PAPSS1: variants seen among roughly 807,000 people sequenced by gnomAD.
PAPSS1 encodes bifunctional 3'-phosphoadenosine 5'-phosphosulfate synthase 1.
A neutral mutation model predicts 72.0 loss-of-function variants in PAPSS1; 50 were observed. That is an observed-to-expected ratio of 0.69 (90% confidence interval 0.55 to 0.88). The LOEUF is 0.88. Ranked by LOEUF, PAPSS1 falls within the 40% of genes least tolerant of loss-of-function variation. The probability of loss-of-function intolerance (pLI) is 0.00; values close to 1 mark genes in which losing one functional copy is unlikely to be tolerated. For synonymous variants in PAPSS1, 261 were observed against 263.6 expected, an observed-to-expected ratio of 0.99 and a Z score of 0.09; for missense variants, 657 against 782.2, an observed-to-expected ratio of 0.84 and a Z score of 1.91.
At chr4:107,688,731 C>T (rs1018904361) in intron 3 of PAPSS1, among the ~76,000 whole-genome samples, 6 of 152,302 alleles carry the variant, frequency 3.9e-5, no homozygotes, top group African/African-American at 1.4e-4. Flanking sequence ...AGTGCCTTCA[C>T]AGTATAAACT....
At chr4:107,655,006 T>G (rs1726962285) in intron 7 of PAPSS1, 106 bp from the exon 8 acceptor site, 3 of 761,310 alleles carry the variant, frequency 3.9e-6, no homozygotes, top group Non-Finnish European at 6.4e-6. Context: ...AATAAAAGGC[T>G]GTAGATCCAG....
rs1578394550 is a variant in PAPSS1, at chr4:107,644,875, T to G, written c.1433A>C (p.Glu478Ala). The G allele has an allele frequency of 1.9e-6, 3 of 1,613,894 alleles. No individual in the cohort carries two copies. The highest frequency in any genetic ancestry group is 2.5e-6 in the Non-Finnish European group (3 of 1,179,880). ...RMKQHAAVLE[E>A]GVLNPETTVV... ...TGTCGTCTCAGGATTCAGAACTCCT[T>G]CCTCCAACACTGCAGCATGCTGCTT... Residue 478 changes from glutamate to alanine, a missense_variant, in exon 10 of 12, where the codon GAA becomes GCA. By Grantham distance (107) the Glu-to-Ala change is moderately radical (BLOSUM62 -1). Transcript: ENST00000265174.
chr4:107,630,039 C>G (rs1037703607), intron 11 of PAPSS1, among the ~76,000 whole-genome samples: 1 of 152,066 alleles, frequency 6.6e-6, no homozygotes, highest in African/African-American at 2.4e-5. Context: ...TTAAGGGGCA[C>G]CCATTTTTCT....
intron 9 of PAPSS1, 68 bp from the exon 10 acceptor site, chr4:107,645,138 A>G: frequency 7.7e-7 from 1 of 1,295,670 alleles, no homozygotes; most frequent in East Asian, 2.7e-5. Flanking sequence ...AGGATACGCA[A>G]TTTTTCTTAA....
At chr4:107,698,396 T>C (rs890594139) in intron 2 of PAPSS1, among the ~76,000 whole-genome samples, 1 of 152,234 alleles carries the variant, frequency 6.6e-6, no homozygotes, top group African/African-American at 2.4e-5. Flanking sequence ...ATCAGGTGAA[T>C]ACATATTCTT....
At chr4:107,628,629 CTGTT>C (rs1394628992) in intron 11 of PAPSS1, among the ~76,000 whole-genome samples, 5 of 152,192 alleles carry the variant, frequency 3.3e-5, no homozygotes, top group East Asian at 1.9e-4. Flanking sequence ...GTTGTATTAT[CTGTT>C]TGCTTGCTGA....
chr4:107,614,719 C>G (rs1183305328), intron 11 of PAPSS1, among the ~76,000 whole-genome samples: 1 of 152,170 alleles, frequency 6.6e-6, no homozygotes, highest in African/African-American at 2.4e-5. Context: ...AAAATTATAG[C>G]ATATCACAGC....
intron 9 of PAPSS1, among the ~76,000 whole-genome samples, chr4:107,649,638 T>A (rs1289464118): frequency 6.6e-6 from 1 of 152,202 alleles, no homozygotes; most frequent in Non-Finnish European, 1.5e-5. Flanking sequence ...AACATAGATC[T>A]GCTTCTGCCT....
intron 5 of PAPSS1, among the ~76,000 whole-genome samples, chr4:107,676,873 T>C (rs1260311829): frequency 1.3e-5 from 2 of 151,852 alleles, no homozygotes; most frequent in Non-Finnish European, 2.9e-5. Context: ...CCCTCAGAAA[T>C]AATGCCACAT....
chr4:107,703,934 TA>T, intron 1 of PAPSS1, among the ~76,000 whole-genome samples: 1 of 152,346 alleles, frequency 6.6e-6, no homozygotes, highest in Admixed American at 6.5e-5. Context: ...TAGATCACTT[TA>T]AGTAGTATGG....
chr4:107,691,855 AAC>A (rs762807214), intron 3 of PAPSS1, among the ~76,000 whole-genome samples: 6 of 152,210 alleles, frequency 3.9e-5, no homozygotes, highest in African/African-American at 7.2e-5. Context: ...TATCAATATC[AAC>A]AGTCAATGAA....
intron 11 of PAPSS1, among the ~76,000 whole-genome samples, chr4:107,627,936 C>G (rs1190765750): frequency 6.6e-6 from 1 of 152,068 alleles, no homozygotes; most frequent in African/African-American, 2.4e-5. Context: ...TGATTTAGAA[C>G]TTTTTCTAAA....
At chr4:107,713,931 T>G (rs1321479190) in intron 1 of PAPSS1, among the ~76,000 whole-genome samples, 1 of 152,202 alleles carries the variant, frequency 6.6e-6, no homozygotes, top group African/African-American at 2.4e-5. Flanking sequence ...ACCATCATTA[T>G]TCAGTTAAAA....
At chr4:107,624,240 G>T (rs1205890285) in intron 11 of PAPSS1, among the ~76,000 whole-genome samples, 2 of 152,150 alleles carry the variant, frequency 1.3e-5, no homozygotes, top group African/African-American at 4.8e-5. Context: ...ATCTTTTGGA[G>T]CTTAGTGCAA....
intron 9 of PAPSS1, among the ~76,000 whole-genome samples, chr4:107,650,888 C>T (rs1269290016): frequency 6.6e-6 from 1 of 152,122 alleles, no homozygotes; most frequent in Non-Finnish European, 1.5e-5. Flanking sequence ...GCCACACTGT[C>T]AGAAAGAAAA....
Position 107,687,052 on chromosome 4 carries a change from T to G in PAPSS1, c.537A>C (p.Ala179=). ...AATATTACTGACCTTTAATTTCTCC[T>G]GCCCGGGCTTTTTTGTAGAGTCCTT... The part of the protein sequence containing the change: ...DVKGLYKKAR[A]GEIKGFTGID... The change falls in exon 4 of 12, where the codon GCA becomes GCC. Residue 179 remains alanine, a synonymous_variant. Transcript: ENST00000265174. The G allele has an allele frequency of 6.3e-7, 1 of 1,598,698 alleles. No homozygotes were observed. The highest frequency in any genetic ancestry group is 8.5e-7 in the Non-Finnish European group (1 of 1,175,166).
chr4:107,685,872 T>C (rs1263127618), intron 4 of PAPSS1, among the ~76,000 whole-genome samples: 1 of 152,174 alleles, frequency 6.6e-6, no homozygotes, highest in African/African-American at 2.4e-5. Context: ...CTCCTGGGAG[T>C]TTCTGTGACA....
chr4:107,666,860 T>A (rs1055552339), intron 5 of PAPSS1, among the ~76,000 whole-genome samples: 1 of 152,220 alleles, frequency 6.6e-6, no homozygotes, highest in South Asian at 2.1e-4. Context: ...AAAACTGGTA[T>A]ACAATTGGAA....
At chr4:107,686,921 TCTC>T in intron 4 of PAPSS1, 115 bp downstream of exon 4, 1 of 923,074 alleles carries the variant, frequency 1.1e-6, no homozygotes, top group Non-Finnish European at 1.6e-6. Context: ...GACTACATTC[TCTC>T]CTCAAGGAGC....
Sources: allele counts gnomAD v4.1 joint callset (sites outside exome capture counted in the v4.1 genomes callset), GRCh38; gene constraint gnomAD v4.1.1; transcripts MANE v1.5; gene names NCBI Gene and HGNC (gene_info 2026-07-23, HGNC 2026-07-21).